The following NBEA variants were observed in gnomAD, a reference collection of about 807,000 sequenced individuals.
The protein encoded by NBEA is neurobeachin, also known as lysosomal-trafficking regulator 2.
NBEA carries 44 observed loss-of-function variants against 343.4 expected under a neutral mutation model. The ratio of observed to expected loss-of-function variants is 0.13; its 90% CI spans 0.10 to 0.16. The LOEUF (loss-of-function observed/expected upper bound fraction) is 0.16. Among genes scored for constraint, NBEA ranks in the 10% least tolerant of loss-of-function variants. The probability of loss-of-function intolerance (pLI) is 1.00; values close to 1 mark genes in which losing one functional copy is unlikely to be tolerated. For missense variants in NBEA, 2,555 were observed against 3,631.3 expected (o/e 0.70, Z 7.62); for synonymous variants, 1,175 against 1,238.7 (o/e 0.95, Z 1.08).
intron 55 of NBEA, among the ~76,000 whole-genome samples, chr13:35,661,650 C>G (rs2085095546): frequency 1.3e-5 from 2 of 152,114 alleles, no homozygotes; most frequent in Non-Finnish European, 2.9e-5. Flanking sequence ...ATAAGGGACT[C>G]CTGACCGATA....
intron 41 of NBEA, among the ~76,000 whole-genome samples, chr13:35,492,570 C>CT (rs200995578): frequency 6.6e-6 from 1 of 151,734 alleles, no homozygotes; most frequent in Non-Finnish European, 1.5e-5. Context: ...TGAGAGATGG[C>CT]TTTTTTCCTT....
intron 54 of NBEA, 146 bp from the exon 55 acceptor site, chr13:35,655,433 G>A (rs1454925255): frequency 2.5e-6 from 2 of 803,380 alleles, no homozygotes; most frequent in Admixed American, 6.0e-5. Flanking sequence ...TTGTAACTTT[G>A]TCAGCCCATA....
At chr13:35,516,421 G>T (rs1011938531) in intron 41 of NBEA, among the ~76,000 whole-genome samples, 1 of 152,034 alleles carries the variant, frequency 6.6e-6, no homozygotes, top group African/African-American at 2.4e-5. Flanking sequence ...CTGTCTCTCT[G>T]TATGCCTATA....
intron 34 of NBEA, among the ~76,000 whole-genome samples, chr13:35,247,494 C>T (rs1015032229): frequency 3.3e-5 from 5 of 152,102 alleles, no homozygotes; most frequent in African/African-American, 1.2e-4. Flanking sequence ...TTGCTTGGCT[C>T]TCTAAATTGT....
Position 35,372,910 on chromosome 13 carries a change from C to T in NBEA, c.6179+20587C>T, listed in dbSNP as rs141223432. ...TGGAGACTGGGCTCTCAAAATGGTG[C>T]CTTGATGTAGCTGCTTAGGCCTCAG... On this transcript the variant is annotated intron_variant, in intron 38 of 58. Coordinates refer to ENST00000379939, the MANE Select transcript of NBEA (RefSeq NM_001385012.1). Among the ~76,000 whole-genome samples the T allele has an allele frequency of 1.9e-3, 290 of 152,180 alleles. 1 individual carries two copies. Among genetic ancestry groups the T allele is most frequent in the Non-Finnish European group, 2.4e-3 (162 of 67,998 alleles).
intron 43 of NBEA, among the ~76,000 whole-genome samples, chr13:35,553,918 C>T (rs1161377441): frequency 6.6e-6 from 1 of 152,054 alleles, no homozygotes; most frequent in Non-Finnish European, 1.5e-5. Context: ...TTCAGTGACA[C>T]CTCTGAGAAA....
At chr13:35,362,475 G>T (rs2040863311) in intron 38 of NBEA, among the ~76,000 whole-genome samples, 1 of 151,320 alleles carries the variant, frequency 6.6e-6, no homozygotes. Context: ...AAAATGTCCA[G>T]GTTTTACCTA....
chr13:35,628,293 T>G (rs772370770), intron 49 of NBEA, 45 bp downstream of exon 49: 11 of 1,361,448 alleles, frequency 8.1e-6, no homozygotes, highest in Non-Finnish European at 1.1e-5. Context: ...CTGTCATCTC[T>G]CAAACACAAA....
intron 2 of NBEA, among the ~76,000 whole-genome samples, chr13:35,041,492 C>T (rs2152558176): frequency 6.6e-6 from 1 of 151,930 alleles, no homozygotes; most frequent in Non-Finnish European, 1.5e-5. Flanking sequence ...AATTAAAATA[C>T]CACAATAGGT....
intron 1 of NBEA, among the ~76,000 whole-genome samples, chr13:34,945,527 G>C (rs150265326): frequency 2.6e-5 from 4 of 152,008 alleles, no homozygotes; most frequent in Admixed American, 1.3e-4. Context: ...TCAGTGACTC[G>C]TTAGAGTTTG....
intron 48 of NBEA, among the ~76,000 whole-genome samples, chr13:35,620,012 A>G (rs1425560612): frequency 6.6e-6 from 1 of 152,116 alleles, no homozygotes; most frequent in Non-Finnish European, 1.5e-5. Flanking sequence ...GAACACAAGG[A>G]TGAGCAACTC....
Position 35,159,179 on chromosome 13 carries a change from T to G in NBEA, c.3008T>G (p.Ile1003Arg), listed in dbSNP as rs534046290. Reference protein sequence around the residue: ...GAKGGMEIREIEDLSQSQSPE... With the variant: ...GAKGGMEIREREDLSQSQSPE... ...AAAGGTGGAATGGAAATTCGAGAGA[T>G]AGAAGATCTTTCACAAAGCCAGAGC... is the stretch of plus-strand genomic sequence containing the variant. The change falls in exon 22 of 59, where the codon ATA (isoleucine) becomes AGA (arginine). Residue 1003 changes from isoleucine to arginine, a missense_variant. Transcript: ENST00000379939. 1.9e-6 allele frequency: 3 copies of G among 1,613,518 alleles called. No individual in the cohort carries two copies. The highest frequency in any genetic ancestry group is 1.1e-5 in the South Asian group (1 of 91,060).
intron 39 of NBEA, among the ~76,000 whole-genome samples, chr13:35,437,536 T>C (rs1452045670): frequency 6.6e-6 from 1 of 152,132 alleles, no homozygotes; most frequent in African/African-American, 2.4e-5. Flanking sequence ...TGATATACTT[T>C]CAGCCTCTGG....
chr13:35,242,721 G>A (rs2030530228), intron 34 of NBEA, among the ~76,000 whole-genome samples: 1 of 151,874 alleles, frequency 6.6e-6, no homozygotes, highest in South Asian at 2.1e-4. Context: ...CTGGAAGGCA[G>A]TGGGATGATA....
chr13:35,045,199 A>T (rs2062804633), intron 3 of NBEA, 107 bp from the exon 4 acceptor site: 5 of 1,213,132 alleles, frequency 4.1e-6, no homozygotes, highest in Admixed American at 2.7e-5. Context: ...ATGATTTAAA[A>T]TTAATTTTTC....
At chr13:35,328,800 G>A (rs1179956406) in intron 36 of NBEA, among the ~76,000 whole-genome samples, 2 of 148,938 alleles carry the variant, frequency 1.3e-5, no homozygotes, top group African/African-American at 4.9e-5. Context: ...TAGAAATTTA[G>A]CCAGCTGATT....
intron 36 of NBEA, among the ~76,000 whole-genome samples, chr13:35,347,691 CCTCCTCCAT>C (rs988812319): frequency 6.6e-6 from 1 of 152,028 alleles, no homozygotes; most frequent in Non-Finnish European, 1.5e-5. Context: ...TCCTCCTCTT[CCTCCTCCAT>C]CTCCTCCATG....
chr13:35,295,100 A>G (rs1395826806), intron 35 of NBEA, among the ~76,000 whole-genome samples: 1 of 148,504 alleles, frequency 6.7e-6, no homozygotes, highest in East Asian at 1.9e-4. Context: ...TGGCCAGGCA[A>G]TGTATAATAT....
At chr13:35,179,644 C>T (rs1790727176) in intron 28 of NBEA, 1 of 304,236 alleles carries the variant, frequency 3.3e-6, no homozygotes, top group African/African-American at 2.3e-5. Context: ...ATTTACAGCG[C>T]TGCCACTGTG....
Sources: allele counts gnomAD v4.1 joint callset (sites outside exome capture counted in the v4.1 genomes callset), GRCh38; gene constraint gnomAD v4.1.1; transcripts MANE v1.5; gene names NCBI Gene and HGNC (gene_info 2026-07-23, HGNC 2026-07-21).